The following FGD6 variants were observed in gnomAD, a reference collection of about 807,000 sequenced individuals.
FGD6 encodes FYVE, RhoGEF and PH domain-containing protein 6.
A neutral mutation model predicts 149.4 loss-of-function variants in FGD6; 90 were observed. The observed-to-expected ratio is 0.60, with a 90% confidence interval of 0.51 to 0.72. The LOEUF is 0.72. Among genes scored for constraint, FGD6 ranks in the 30% least tolerant of loss-of-function variants. FGD6 has a pLI of 0.00. For synonymous variants in FGD6, 527 were observed against 584.0 expected, an observed-to-expected ratio of 0.90 and a Z score of 1.41; for missense variants, 1,437 against 1,684.8, an observed-to-expected ratio of 0.85 and a Z score of 2.57.
chr12:95,084,272 A>T (rs1405689357), intron 20 of FGD6, among the ~76,000 whole-genome samples: 2 of 152,104 alleles, frequency 1.3e-5, no homozygotes, highest in Admixed American at 6.5e-5. Flanking sequence ...TTTGTATAGG[A>T]CTACCTATTT....
At chr12:95,098,607 C>G (rs1471721298) in intron 14 of FGD6, among the ~76,000 whole-genome samples, 1 of 152,174 alleles carries the variant, frequency 6.6e-6, no homozygotes, top group African/African-American at 2.4e-5. Flanking sequence ...TCCTAATGAC[C>G]AGGAGGCTCT....
At chr12:95,093,676 CA>C (rs35498911) in intron 15 of FGD6, among the ~76,000 whole-genome samples, 9,431 of 137,216 alleles carry the variant, frequency 0.069, 337 homozygotes, top group Middle Eastern at 0.12. Flanking sequence ...AACTCTGTCT[CA>C]AAAAAAAAAA....
intron 19 of FGD6, chr12:95,085,423 G>A (rs1877828866): frequency 4.5e-6 from 1 of 220,260 alleles, no homozygotes; most frequent in South Asian, 1.4e-4. Context: ...GGCTAGTCTC[G>A]AACTCCTGAC....
Position 95,160,186 on chromosome 12 carries a change from T to A in FGD6, c.2587-7193A>T, listed in dbSNP as rs546061793. 2.4e-4 allele frequency among the ~76,000 whole-genome samples: 36 copies of A among 152,062 alleles called. No individual in the cohort carries two copies. The South Asian group carries it at 5.6e-3, about 24-fold the overall frequency. On this transcript the variant is annotated intron_variant, in intron 3 of 20. Coordinates refer to ENST00000343958, the MANE Select transcript of FGD6 (RefSeq NM_018351.4). The stretch of plus-strand genomic sequence containing the variant: ...AAAGCAAGACCTCATTTCTATTTTT[T>A]TTTTAATTAAAAAAAGAGATAAAAG...
chr12:95,102,117 G>C (rs1878460401), intron 14 of FGD6, among the ~76,000 whole-genome samples: 1 of 151,932 alleles, frequency 6.6e-6, no homozygotes, highest in African/African-American at 2.4e-5. Context: ...GACCAGCCTG[G>C]CCAATATGGT....
rs1384137802 is a variant in FGD6 at position 95,132,891 on chromosome 12, C to T, written c.3082+1848G>A. 2.0e-5 allele frequency among the ~76,000 whole-genome samples: 3 copies of T among 152,332 alleles called. No homozygotes were observed. The East Asian group carries it at 5.8e-4, about 29-fold the overall frequency. On this transcript the variant is annotated intron_variant, in intron 8 of 20. Transcript: ENST00000343958. Reference sequence around the variant, plus strand: ...TCTTTTGCCACTAAAAACAGTACTTCATTTGACAGCTATGGAAAGAGCCTA... The same window carrying T: ...TCTTTTGCCACTAAAAACAGTACTTTATTTGACAGCTATGGAAAGAGCCTA...
chr12:95,165,340 T>C (rs1880775705), intron 3 of FGD6, among the ~76,000 whole-genome samples: 1 of 151,768 alleles, frequency 6.6e-6, no homozygotes, highest in Non-Finnish European at 1.5e-5. Flanking sequence ...TTTTTTCTTT[T>C]TTTTTTTTTT....
chr12:95,150,869 G>C (rs1380096402), intron 5 of FGD6, among the ~76,000 whole-genome samples: 2 of 152,066 alleles, frequency 1.3e-5, no homozygotes, highest in African/African-American at 4.8e-5. Context: ...GGGAGGCTGA[G>C]GTGGGCAGAT....
At chr12:95,125,929 T>C in intron 8 of FGD6, 1 of 1,450,090 alleles carries the variant, frequency 6.9e-7, no homozygotes, top group Non-Finnish European at 9.7e-7. Flanking sequence ...TACATGCAGC[T>C]CACTGATTTC....
chr12:95,129,398 A>C (rs1879451523), intron 8 of FGD6, among the ~76,000 whole-genome samples: 1 of 151,926 alleles, frequency 6.6e-6, no homozygotes, highest in Non-Finnish European at 1.5e-5. Flanking sequence ...GGGGATTCTC[A>C]ATCTTATAAA....
At chr12:95,156,243 T>C (rs1488269248) in intron 3 of FGD6, among the ~76,000 whole-genome samples, 1 of 152,228 alleles carries the variant, frequency 6.6e-6, no homozygotes, top group Non-Finnish European at 1.5e-5. Context: ...AACAGAGCCA[T>C]ATTTCTATTC....
intron 5 of FGD6, 94 bp from the exon 6 acceptor site, chr12:95,141,633 G>C: frequency 7.2e-7 from 1 of 1,379,610 alleles, no homozygotes; most frequent in Non-Finnish European, 1.0e-6. Flanking sequence ...AAATGATACA[G>C]ATTGCACAGC....
In FGD6 at chr12:95,078,955, A is replaced by G. The variant is rs1035455458; in HGVS notation, c.*2565T>C. 8 of 152,238 alleles carry G rather than the reference A, an allele frequency of 5.3e-5. No individual in the cohort carries two copies. Among genetic ancestry groups the G allele is most frequent in the Admixed American group, 4.6e-4 (7 of 15,274 alleles). 9.4% of individuals were successfully genotyped at this position (152,238 alleles called of 1,614,324 possible). On this transcript the variant is annotated 3_prime_UTR_variant, in exon 21 of 21. Coordinates refer to ENST00000343958, the MANE Select transcript of FGD6 (RefSeq NM_018351.4). ...AGGCACACATATCTGTATAATAAATATAGTATCCTTGGAATCTAGATACTA... is the reference window on the plus strand; with the variant it reads ...AGGCACACATATCTGTATAATAAATGTAGTATCCTTGGAATCTAGATACTA...
intron 8 of FGD6, among the ~76,000 whole-genome samples, chr12:95,134,490 A>T (rs1879610516): frequency 1.3e-5 from 2 of 152,194 alleles, no homozygotes; most frequent in Admixed American, 1.3e-4. Context: ...GTTCTGAATT[A>T]AAAAGCAGCT....
intron 2 of FGD6, among the ~76,000 whole-genome samples, chr12:95,195,901 T>TA (rs1881724434): frequency 1.3e-5 from 2 of 151,250 alleles, no homozygotes; most frequent in Admixed American, 6.6e-5. Context: ...TGAGTACAAG[T>TA]AAAACCGGGG....
intron 2 of FGD6, among the ~76,000 whole-genome samples, chr12:95,180,170 A>G (rs1280273505): frequency 6.6e-6 from 1 of 152,118 alleles, no homozygotes. Flanking sequence ...CAAGGCACAG[A>G]GTGTGCTCCT....
Position 95,209,950 on chromosome 12 carries a change from C to A in FGD6, c.1334G>T (p.Gly445Val). The stretch of plus-strand genomic sequence containing the variant: ...CATAGATACAGTACATCTTATAAAA[C>A]CGGTCCCTTCGTCCACAGCAAGCGA... Reference protein sequence around the residue: ...SMSLAVDEGTGFIRCTVSMSL... With the variant: ...SMSLAVDEGTVFIRCTVSMSL... Residue 445 changes from glycine to valine, a missense_variant, in exon 2 of 21, where the codon GGT becomes GTT. Around this residue, in one of 2 missense-constraint regions of FGD6, gnomAD observed 1,055 missense variants for 1,146.0 expected, o/e 0.92. Coordinates refer to ENST00000343958, the MANE Select transcript of FGD6 (RefSeq NM_018351.4). 1 of 1,612,076 alleles carries A rather than the reference C, an allele frequency of 6.2e-7. No individual in the cohort carries two copies. Among genetic ancestry groups the A allele is most frequent in the Non-Finnish European group, 8.5e-7 (1 of 1,179,330 alleles).
rs191626045 is a variant in FGD6 at position 95,098,026 on chromosome 12, G to A, written c.3498-3332C>T. 4.3e-3 allele frequency among the ~76,000 whole-genome samples: 647 copies of A among 152,188 alleles called. 7 individuals are homozygous for A. The highest frequency in any genetic ancestry group is 0.015 in the African/African-American group (612 of 41,520). On this transcript the variant is annotated intron_variant, in intron 14 of 20. Transcript: ENST00000343958. ...TACCCTCATTCAGTCTGCCAGCCGT[G>A]GTCATCTCTAAGCTAATGGTGCCCA...
chr12:95,198,851 A>T (rs1881793330), intron 2 of FGD6, among the ~76,000 whole-genome samples: 2 of 152,072 alleles, frequency 1.3e-5, no homozygotes, highest in African/African-American at 4.8e-5. Context: ...ATTGATGGGG[A>T]GTCAGTTTGG....
Sources: gnomAD v4.1 joint callset for allele counts (sites outside exome capture counted in the v4.1 genomes callset) on GRCh38, gnomAD v4.1.1 for gene constraint, gnomAD v4.1.1 regional missense constraint, MANE v1.5 for transcripts, NCBI Gene and HGNC (gene_info 2026-07-23, HGNC 2026-07-21) for gene names.